Variants in SNX30 observed in about 807,000 individuals in gnomAD.
SNX30 encodes sorting nexin family member 30.
Under a neutral mutation model 46.4 loss-of-function variants are expected in SNX30, and 24 were observed. That is an observed-to-expected ratio of 0.52 (90% CI 0.37 to 0.73). SNX30 has a LOEUF of 0.73. Among genes scored for constraint, SNX30 ranks in the 30% least tolerant of loss-of-function variants. SNX30 has a pLI of 0.00. For synonymous variants in SNX30, 189 were observed against 211.5 expected, an observed-to-expected ratio of 0.89 and a Z score of 0.92; for missense variants, 533 against 555.7, an observed-to-expected ratio of 0.96 and a Z score of 0.41.
At chr9:112,765,709 T>G (rs1839525328) in intron 1 of SNX30, among the ~76,000 whole-genome samples, 1 of 152,254 alleles carries the variant, frequency 6.6e-6, no homozygotes, top group Non-Finnish European at 1.5e-5. Flanking sequence ...TTTGATACAC[T>G]TAAATATTGT....
chr9:112,817,021 A>G (rs1840407223), intron 2 of SNX30, among the ~76,000 whole-genome samples: 1 of 152,218 alleles, frequency 6.6e-6, no homozygotes, highest in African/African-American at 2.4e-5. Flanking sequence ...CTGCAATGCA[A>G]TGGCATTTTT....
chr9:112,761,199 G>T (rs1392528822), intron 1 of SNX30, among the ~76,000 whole-genome samples: 3 of 152,194 alleles, frequency 2.0e-5, no homozygotes, highest in African/African-American at 7.2e-5. Flanking sequence ...GTCTCGCTCT[G>T]TCATCCAGGC....
intron 5 of SNX30, 135 bp from the exon 6 acceptor site, chr9:112,838,363 A>G (rs143283453): frequency 3.0e-6 from 2 of 661,842 alleles, no homozygotes; most frequent in South Asian, 2.0e-5. Flanking sequence ...TTTAAAGAAG[A>G]GTGGGATCAG....
At chr9:112,761,781 G>A (rs1347721406) in intron 1 of SNX30, among the ~76,000 whole-genome samples, 1 of 152,112 alleles carries the variant, frequency 6.6e-6, no homozygotes, top group East Asian at 1.9e-4. Context: ...GATGCCTGAA[G>A]GCCACTGTTG....
At chr9:112,762,954 C>T (rs1011456014) in intron 1 of SNX30, among the ~76,000 whole-genome samples, 5 of 152,126 alleles carry the variant, frequency 3.3e-5, no homozygotes, top group South Asian at 2.1e-4. Flanking sequence ...CATTGGTTGA[C>T]GGCTGCTTGG....
intron 7 of SNX30, among the ~76,000 whole-genome samples, chr9:112,862,086 A>G (rs984946989): frequency 1.3e-5 from 2 of 152,196 alleles, no homozygotes; most frequent in East Asian, 1.9e-4. Flanking sequence ...TGAGAAGCCA[A>G]ATATTTCCCA....
At chr9:112,804,268 A>T (rs1324691402) in intron 1 of SNX30, among the ~76,000 whole-genome samples, 1 of 151,994 alleles carries the variant, frequency 6.6e-6, no homozygotes, top group Non-Finnish European at 1.5e-5. Context: ...AGGTTCAAGC[A>T]ATTCTCCTGC....
rs56856142 is a variant in SNX30 at position 112,817,401 on chromosome 9, C to CTTTTTT, written c.349-279_349-274dup. ...CGGTAGGGAAAAAAAAAAAAACTGG[C>CTTTTTT]TTTTTTTTTTTTTTTTTTTTTTTTT... On this transcript the variant is annotated intron_variant, in intron 2 of 8. Transcript: ENST00000374232. Among the ~76,000 whole-genome samples, 215 of 46,828 alleles carry CTTTTTT rather than the reference C, an allele frequency of 4.6e-3. 62 individuals carry two copies. Among genetic ancestry groups the CTTTTTT allele is most frequent in the African/African-American group, 0.018 (186 of 10,262 alleles). 30.7% of individuals were successfully genotyped at this position (46,828 alleles called of 152,430 possible). A position where few individuals can be genotyped will look rare whatever the true frequency, so the allele number is the denominator to read the frequency against.
At chr9:112,781,226 C>T (rs1407063403) in intron 1 of SNX30, among the ~76,000 whole-genome samples, 2 of 152,146 alleles carry the variant, frequency 1.3e-5, no homozygotes, top group African/African-American at 2.4e-5. Flanking sequence ...ATTTTGTATG[C>T]TATTGATGAT....
chr9:112,845,487 G>C (rs963834100), intron 6 of SNX30, among the ~76,000 whole-genome samples: 5 of 152,150 alleles, frequency 3.3e-5, no homozygotes, highest in African/African-American at 1.2e-4. Flanking sequence ...TCACACAGGG[G>C]CCACTTCCTT....
chr9:112,807,006 C>T (rs1478773609), intron 2 of SNX30, among the ~76,000 whole-genome samples: 1 of 148,570 alleles, frequency 6.7e-6, no homozygotes, highest in African/African-American at 2.5e-5. Flanking sequence ...GACATTTAAG[C>T]CTGCTCCAGT....
chr9:112,866,795 T>C (rs1396827979), intron 8 of SNX30, among the ~76,000 whole-genome samples: 42 of 92,892 alleles, frequency 4.5e-4, no homozygotes, highest in African/African-American at 1.7e-3. Flanking sequence ...TCAGAATTCC[T>C]CCCCCTCCTC....
At chr9:112,806,632 A>G (rs1308715934) in intron 2 of SNX30, among the ~76,000 whole-genome samples, 2 of 152,166 alleles carry the variant, frequency 1.3e-5, no homozygotes, top group African/African-American at 4.8e-5. Flanking sequence ...GTGTTTCTTC[A>G]TCTCTTATTG....
intron 3 of SNX30, among the ~76,000 whole-genome samples, chr9:112,819,902 G>T (rs1448876716): frequency 1.3e-5 from 2 of 152,180 alleles, no homozygotes; most frequent in Non-Finnish European, 2.9e-5. Flanking sequence ...GTGCTGGTCA[G>T]CTTTCTTCAC....
intron 6 of SNX30, among the ~76,000 whole-genome samples, chr9:112,846,396 C>T (rs1043645538): frequency 2.0e-5 from 3 of 152,034 alleles, no homozygotes; most frequent in South Asian, 2.1e-4. Context: ...CAACATTGCC[C>T]CAGGACATCT....
chr9:112,867,234 TG>T (rs1358254209), intron 8 of SNX30, among the ~76,000 whole-genome samples: 5 of 145,184 alleles, frequency 3.4e-5, no homozygotes, highest in Non-Finnish European at 3.0e-5. Context: ...TCAGAACTCC[TG>T]CCTCCTCAGG....
At chr9:112,769,435 C>A (rs1327986945) in intron 1 of SNX30, among the ~76,000 whole-genome samples, 1 of 152,182 alleles carries the variant, frequency 6.6e-6, no homozygotes, top group Non-Finnish European at 1.5e-5. Context: ...CCAGGAGTCT[C>A]CACTACTGTG....
chr9:112,812,271 T>C (rs1002293195), intron 2 of SNX30, among the ~76,000 whole-genome samples: 1 of 152,206 alleles, frequency 6.6e-6, no homozygotes, highest in African/African-American at 2.4e-5. Flanking sequence ...TTATTTATTT[T>C]TTGAGACGGA....
At chr9:112,817,465 G>A (rs1840418593) in intron 2 of SNX30, among the ~76,000 whole-genome samples, 1 of 123,134 alleles carries the variant, frequency 8.1e-6, no homozygotes, top group African/African-American at 3.2e-5. Flanking sequence ...CCAGGCTGGA[G>A]TGCAGTGGTG....
Sources: gnomAD v4.1 joint callset for allele counts (sites outside exome capture counted in the v4.1 genomes callset) on GRCh38, gnomAD v4.1.1 for gene constraint, MANE v1.5 for transcripts, NCBI Gene and HGNC (gene_info 2026-07-23, HGNC 2026-07-21) for gene names.